The following GABRB1 variants were observed in gnomAD, a reference collection of about 807,000 sequenced individuals.
GABRB1 encodes gamma-aminobutyric acid type A receptor subunit beta1, also known as gamma-aminobutyric acid receptor subunit beta-1.
Under a neutral mutation model 51.6 loss-of-function variants are expected in GABRB1, and 17 were observed. The observed-to-expected ratio is 0.33, with a 90% confidence interval of 0.23 to 0.49. The LOEUF is 0.49. Ranked by LOEUF, GABRB1 falls within the 20% of genes least tolerant of loss-of-function variation. The pLI is 0.99. For missense variants in GABRB1, 410 were observed against 600.6 expected (o/e 0.68, Z 3.32); for synonymous variants, 247 against 218.9 (o/e 1.13, Z -1.14).
Position 47,382,255 on chromosome 4 carries a change from AGGCCACTGTACTGTTCTTT to A in GABRB1, c.545-21061_545-21043del, listed in dbSNP as rs1727623731. Among the ~76,000 whole-genome samples, 12 of 152,284 alleles carry A rather than the reference AGGCCACTGTACTGTTCTTT, an allele frequency of 7.9e-5. No homozygotes were observed. In the South Asian group the frequency reaches 2.5e-3, roughly 32 times the overall value. On this transcript the variant is annotated intron_variant, in intron 5 of 8. Coordinates refer to ENST00000295454, the MANE Select transcript of GABRB1 (RefSeq NM_000812.4). ...GTTGGGTGGAATAATTCTTTTTTCT[AGGCCACTGTACTGTTCTTT>A]GTGGGAAGTTTAGCAGCATCCCAGG...
intron 5 of GABRB1, among the ~76,000 whole-genome samples, chr4:47,350,140 T>A (rs1216801003): frequency 6.7e-6 from 1 of 148,152 alleles, no homozygotes; most frequent in Non-Finnish European, 1.5e-5. Context: ...TTACATTAGT[T>A]CTTATTTTCT....
At chr4:47,166,965 T>C (rs994926311) in intron 4 of GABRB1, among the ~76,000 whole-genome samples, 9 of 152,138 alleles carry the variant, frequency 5.9e-5, no homozygotes, top group African/African-American at 2.2e-4. Context: ...ATCTTACAAA[T>C]TGAAATTCAT....
rs563315458 is a variant in GABRB1, at chr4:47,286,472, C to T, written c.462-33655C>T. Among the ~76,000 whole-genome samples, 330 of 152,282 alleles carry T rather than the reference C, an allele frequency of 2.2e-3. 2 individuals carry two copies. Among genetic ancestry groups the T allele is most frequent in the African/African-American group, 7.0e-3 (291 of 41,562 alleles). ...TGTTTCCATATAAAGCCTTCTCTACCTTTCTACATTTATTTCCTGCCCTTC... is the reference window on the plus strand; with the variant it reads ...TGTTTCCATATAAAGCCTTCTCTACTTTTCTACATTTATTTCCTGCCCTTC... On this transcript the variant is annotated intron_variant, in intron 4 of 8. Coordinates refer to ENST00000295454, the MANE Select transcript of GABRB1 (RefSeq NM_000812.4).
intron 3 of GABRB1, among the ~76,000 whole-genome samples, chr4:47,151,702 A>G (rs1377465637): frequency 6.6e-6 from 1 of 152,062 alleles, no homozygotes; most frequent in Non-Finnish European, 1.5e-5. Context: ...AACCTCTGGA[A>G]CTAAGGAACT....
intron 1 of GABRB1, among the ~76,000 whole-genome samples, chr4:47,021,649 A>G (rs893142460): frequency 6.6e-6 from 1 of 152,020 alleles, no homozygotes; most frequent in African/African-American, 2.4e-5. Context: ...CTGTTCATCA[A>G]TATTTAAATA....
chr4:47,113,341 G>A (rs191606657), intron 3 of GABRB1, among the ~76,000 whole-genome samples: 5 of 146,910 alleles, frequency 3.4e-5, no homozygotes, highest in Non-Finnish European at 4.4e-5. Flanking sequence ...AGCTGGGATC[G>A]TGCCACTGCA....
Position 47,326,416 on chromosome 4 carries a change from G to A in GABRB1, c.544+6207G>A, listed in dbSNP as rs149313973. Among the ~76,000 whole-genome samples, 260 of 152,234 alleles carry A rather than the reference G, an allele frequency of 1.7e-3. 2 individuals are homozygous for A. The highest frequency in any genetic ancestry group is 5.6e-3 in the African/African-American group (234 of 41,554). On this transcript the variant is annotated intron_variant, in intron 5 of 8. Transcript: ENST00000295454. ...TTTGAGTGAGAGAGATCACATTCAT[G>A]TAACTTTTATTACATTATATTTTTA...
intron 5 of GABRB1, among the ~76,000 whole-genome samples, chr4:47,398,981 G>A (rs1209159281): frequency 4.6e-5 from 7 of 152,264 alleles, no homozygotes; most frequent in African/African-American, 1.7e-4. Context: ...TAGTGGAGAC[G>A]GGGTTTCACC....
upstream of GABRB1, among the ~76,000 whole-genome samples, chr4:47,030,778 A>G (rs111572666): frequency 6.6e-6 from 1 of 152,160 alleles, no homozygotes; most frequent in Non-Finnish European, 1.5e-5. Context: ...GGTCACAAAT[A>G]CCACCTTAAA....
At chr4:47,031,837 T>G in intron 1 of GABRB1, 77 bp from the exon 2 acceptor site, 1 of 1,489,642 alleles carries the variant, frequency 6.7e-7, no homozygotes, top group Non-Finnish European at 9.4e-7. Flanking sequence ...TGTTTGGGGG[T>G]AGGTGTGCCT....
intron 4 of GABRB1, among the ~76,000 whole-genome samples, chr4:47,292,632 T>A: frequency 6.6e-6 from 1 of 152,176 alleles, no homozygotes; most frequent in South Asian, 2.1e-4. Flanking sequence ...ACTCTCTGAG[T>A]TTGCTTTGGG....
At chr4:47,239,008 CCTGGTACAG>C (rs1269278920) in intron 4 of GABRB1, among the ~76,000 whole-genome samples, 6 of 152,096 alleles carry the variant, frequency 3.9e-5, no homozygotes, top group Non-Finnish European at 8.8e-5. Flanking sequence ...TTTTCATTTG[CCTGGTACAG>C]GCTTTATTTT....
At chr4:47,034,103 G>C (rs1725451054) in intron 3 of GABRB1, among the ~76,000 whole-genome samples, 1 of 151,830 alleles carries the variant, frequency 6.6e-6, no homozygotes. Flanking sequence ...CATTTCCTTT[G>C]GTATCTTGTA....
intron 3 of GABRB1, among the ~76,000 whole-genome samples, chr4:47,056,843 C>T (rs949533849): frequency 2.0e-5 from 3 of 152,208 alleles, no homozygotes; most frequent in East Asian, 1.9e-4. Flanking sequence ...AGCAGTGGCT[C>T]ACGCCTGTAC....
At chr4:47,256,116 T>C (rs1269489278) in intron 4 of GABRB1, among the ~76,000 whole-genome samples, 1 of 152,154 alleles carries the variant, frequency 6.6e-6, no homozygotes, top group African/African-American at 2.4e-5. Context: ...AGAGCAGAGA[T>C]GATAGGGGCT....
chr4:47,173,276 A>G (rs1353061204), intron 4 of GABRB1, among the ~76,000 whole-genome samples: 1 of 152,182 alleles, frequency 6.6e-6, no homozygotes, highest in African/African-American at 2.4e-5. Context: ...AAACTTCAGT[A>G]ACTAAGTGGA....
At chr4:47,075,072 C>T (rs1015567094) in intron 3 of GABRB1, among the ~76,000 whole-genome samples, 4 of 152,148 alleles carry the variant, frequency 2.6e-5, no homozygotes, top group African/African-American at 7.2e-5. Flanking sequence ...CTGTATAAGT[C>T]ATTTCTGTTT....
At chr4:47,193,919 G>A (rs1719545163) in intron 4 of GABRB1, among the ~76,000 whole-genome samples, 1 of 152,044 alleles carries the variant, frequency 6.6e-6, no homozygotes, top group Admixed American at 6.6e-5. Context: ...CGAGAAAAGG[G>A]CAGCAGCTTC....
At chr4:47,149,802 T>TC (rs1048106060) in intron 3 of GABRB1, among the ~76,000 whole-genome samples, 1 of 152,092 alleles carries the variant, frequency 6.6e-6, no homozygotes, top group African/African-American at 2.4e-5. Flanking sequence ...TCTAGAGTTT[T>TC]CTTTTTCTTT....
Sources: allele counts gnomAD v4.1 joint callset (sites outside exome capture counted in the v4.1 genomes callset), GRCh38; gene constraint gnomAD v4.1.1; transcripts MANE v1.5; gene names NCBI Gene and HGNC (gene_info 2026-07-23, HGNC 2026-07-21).